Variants in STRA8 observed in about 807,000 individuals in gnomAD.
STRA8 encodes the protein stimulated by retinoic acid gene 8 protein homolog.
A neutral mutation model predicts 37.1 loss-of-function variants in STRA8; 18 were observed. That is an observed-to-expected ratio of 0.48 (90% CI 0.34 to 0.72). The LOEUF (loss-of-function observed/expected upper bound fraction) is 0.72, where lower values mean the gene tolerates loss of function less well. STRA8 is among the 30% of genes least tolerant of loss of function. The probability of loss-of-function intolerance (pLI) is 0.01; values close to 1 mark genes in which losing one functional copy is unlikely to be tolerated. For synonymous variants in STRA8, 168 were observed against 162.9 expected, an observed-to-expected ratio of 1.03 and a Z score of -0.24; for missense variants, 357 against 410.4, an observed-to-expected ratio of 0.87 and a Z score of 1.13.
intron 7 of STRA8, among the ~76,000 whole-genome samples, chr7:135,253,562 A>G (rs1832666556): frequency 6.6e-6 from 1 of 152,118 alleles, no homozygotes; most frequent in African/African-American, 2.4e-5. Context: ...CATGGTGCTG[A>G]TGGGAACGGA....
Position 135,240,706 on chromosome 7 carries a change from T to C in STRA8, c.182T>C (p.Ile61Thr), listed in dbSNP as rs771653049. The C allele has an allele frequency of 8.7e-6, 14 of 1,613,770 alleles. No homozygotes were observed. The highest frequency in any genetic ancestry group is 9.3e-6 in the Non-Finnish European group (11 of 1,179,962). Residue 61 changes from isoleucine (I) to threonine (T), a missense_variant, in exon 2 of 9, where the codon ATA becomes ACA. By Grantham distance (89) the Ile-to-Thr change is moderately conservative (BLOSUM62 -1). Transcript: ENST00000662584. ...ACAGTGTACTCTCAGTCTGATCTCA[T>C]AGCCTCAAAGGTATGGGGACCTGGA... Reference protein sequence around the residue: ...RKTVYSQSDLIASKWQVLNKA... With the variant: ...RKTVYSQSDLTASKWQVLNKA...
chr7:135,258,276 A>T (rs779035684), intron 8 of STRA8, 142 bp from the exon 9 acceptor site: 1 of 608,094 alleles, frequency 1.6e-6, no homozygotes, highest in Non-Finnish European at 2.8e-6. Context: ...TCCTGGCCCA[A>T]GCTGGAGGTG....
chr7:135,255,325 C>T, intron 8 of STRA8, 100 bp downstream of exon 8: 1 of 825,102 alleles, frequency 1.2e-6, no homozygotes, highest in Non-Finnish European at 2.0e-6. Context: ...CCCAATCATA[C>T]CATGAGGAGC....
intron 1 of STRA8, among the ~76,000 whole-genome samples, 43 bp downstream of exon 1, chr7:135,233,946 G>A (rs1832329004): frequency 6.6e-6 from 1 of 152,172 alleles, no homozygotes; most frequent in Admixed American, 6.5e-5. Flanking sequence ...GGTGCCCTTG[G>A]GCATATGAGT....
At chr7:135,243,494 C>A in intron 4 of STRA8, 84 bp downstream of exon 4, 1 of 1,267,268 alleles carries the variant, frequency 7.9e-7, no homozygotes, top group Non-Finnish European at 1.1e-6. Flanking sequence ...CTCACCCTTC[C>A]TCTCCAGCCT....
Position 135,245,867 on chromosome 7 carries a change from C to T in STRA8, c.593+340C>T, listed in dbSNP as rs73446223. Among the ~76,000 whole-genome samples the T allele has an allele frequency of 6.0e-3, 917 of 152,286 alleles. 11 individuals carry two copies. The highest frequency in any genetic ancestry group is 0.021 in the African/African-American group (880 of 41,564). ...GCTAACCCCTCTCTCCCCCAAAACA[C>T]ATACCCCCACAAGTCCGCACTGCTC... On this transcript the variant is annotated intron_variant, in intron 5 of 8. Transcript: ENST00000662584.
intron 4 of STRA8, 29 bp downstream of exon 4, chr7:135,243,439 G>A: frequency 1.2e-6 from 2 of 1,608,300 alleles, no homozygotes; most frequent in South Asian, 2.2e-5. Context: ...CAGGAAGCTG[G>A]GGACCTGCTG....
At chr7:135,240,449 C>T (rs1832444061) in intron 1 of STRA8, 70 bp from the exon 2 acceptor site, 1 of 1,511,306 alleles carries the variant, frequency 6.6e-7, no homozygotes. Flanking sequence ...CCTCAATTTG[C>T]CTTCCTTTTC....
intron 1 of STRA8, among the ~76,000 whole-genome samples, chr7:135,236,736 C>T (rs1176458528): frequency 6.6e-6 from 1 of 152,196 alleles, no homozygotes; most frequent in Admixed American, 6.5e-5. Context: ...TTCCCCTCCA[C>T]CCACCAAGAT....
chr7:135,253,180 C>T (rs1281762878), intron 7 of STRA8, among the ~76,000 whole-genome samples: 1 of 152,194 alleles, frequency 6.6e-6, no homozygotes, highest in African/African-American at 2.4e-5. Flanking sequence ...GATGATCCAC[C>T]CACCTCGGCT....
intron 7 of STRA8, among the ~76,000 whole-genome samples, chr7:135,253,326 C>A (rs1832661982): frequency 6.6e-6 from 1 of 152,176 alleles, no homozygotes; most frequent in Non-Finnish European, 1.5e-5. Context: ...CACCTCCTAA[C>A]ACCATCACCC....
intron 2 of STRA8, 76 bp from the exon 3 acceptor site, chr7:135,242,705 A>T (rs1832484802): frequency 7.0e-7 from 1 of 1,432,318 alleles, no homozygotes; most frequent in Admixed American, 1.7e-5. Context: ...CAGCCCTGGG[A>T]AGGGATTCCT....
At chr7:135,243,966 A>G (rs1056681520) in intron 4 of STRA8, among the ~76,000 whole-genome samples, 2 of 152,264 alleles carry the variant, frequency 1.3e-5, no homozygotes. Context: ...TGAAAGGGGA[A>G]CATTATTAAT....
At chr7:135,254,171 G>T (rs1295043110) in intron 7 of STRA8, among the ~76,000 whole-genome samples, 1 of 152,192 alleles carries the variant, frequency 6.6e-6, no homozygotes, top group Non-Finnish European at 1.5e-5. Context: ...TCCTGTTTCT[G>T]TGCTGAGCTT....
At chr7:135,240,215 T>C (rs1832439819) in intron 1 of STRA8, among the ~76,000 whole-genome samples, 1 of 152,200 alleles carries the variant, frequency 6.6e-6, no homozygotes, top group Non-Finnish European at 1.5e-5. Flanking sequence ...TTAAGTCCTA[T>C]ATGGGTGGTT....
In STRA8 at chr7:135,246,430, T is replaced by C; in HGVS notation, c.607T>C (p.Tyr203His). ...LMEFERYLNFYKQTMDLLTGS... is the reference protein window; with the variant it reads ...LMEFERYLNFHKQTMDLLTGS... ...CTTCTGTTCCAGGTATCTCAACTTT[T>C]ACAAACAGACGATGGACCTTCTGAC... is the stretch of plus-strand genomic sequence containing the variant. The change falls in exon 6 of 9, where the codon TAC becomes CAC. Residue 203 changes from tyrosine (Y) to histidine (H), a missense_variant. Transcript: ENST00000662584. The surrounding 1 kb of genome is among the most constrained non-coding windows in gnomAD (Gnocchi z 5.4). 6.2e-7 allele frequency: 1 copy of C among 1,603,468 alleles called. No homozygotes were observed.
intron 1 of STRA8, among the ~76,000 whole-genome samples, chr7:135,238,918 AG>A (rs1163724339): frequency 4.6e-5 from 7 of 152,220 alleles, no homozygotes; most frequent in African/African-American, 1.7e-4. Context: ...AAGATACCAC[AG>A]TGTAATTCCT....
At chr7:135,239,372 G>A (rs773617556) in intron 1 of STRA8, among the ~76,000 whole-genome samples, 5 of 152,222 alleles carry the variant, frequency 3.3e-5, no homozygotes, top group Admixed American at 1.3e-4. Context: ...AACAGTCTCT[G>A]CAGGTGACAC....
intron 6 of STRA8, among the ~76,000 whole-genome samples, chr7:135,250,361 AG>A (rs1832619607): frequency 6.6e-6 from 1 of 152,200 alleles, no homozygotes; most frequent in Non-Finnish European, 1.5e-5. Flanking sequence ...CAGGCCTGCC[AG>A]GGAGCAACAT....
Sources: gnomAD v4.1 joint callset for allele counts (sites outside exome capture counted in the v4.1 genomes callset) on GRCh38, gnomAD v4.1.1 for gene constraint, Gnocchi (gnomAD v3.1) non-coding constraint, MANE v1.5 for transcripts, NCBI Gene and HGNC (gene_info 2026-07-23, HGNC 2026-07-21) for gene names.